The following TPM3 variants were observed in gnomAD, a reference collection of about 807,000 sequenced individuals.
The protein encoded by TPM3 is tropomyosin alpha-3 chain.
TPM3 carries 16 observed loss-of-function variants against 43.1 expected under a neutral mutation model. The observed-to-expected ratio is 0.37, with a 90% CI of 0.25 to 0.56. The LOEUF (loss-of-function observed/expected upper bound fraction) is 0.56. TPM3 is among the 20% of genes least tolerant of loss of function. TPM3 has a pLI of 0.77. For synonymous variants in TPM3, 101 were observed against 116.9 expected (o/e 0.86, Z 0.88); for missense variants, 176 against 337.2 (o/e 0.52, Z 3.74).
chr1:154,191,545 C>T, intron 1 of TPM3: 5 of 1,306,330 alleles, frequency 3.8e-6, no homozygotes, highest in Middle Eastern at 2.8e-4. Context: ...CATCCAAGAC[C>T]CCTGGATGAT....
chr1:154,181,750 T>C (rs1478453696), intron 2 of TPM3, among the ~76,000 whole-genome samples: 3 of 152,022 alleles, frequency 2.0e-5, no homozygotes, highest in Non-Finnish European at 4.4e-5. Flanking sequence ...CGAAACCCCG[T>C]CTCTACCAAA....
At chr1:154,170,065 C>A in intron 8 of TPM3, 1 of 338,494 alleles carries the variant, frequency 3.0e-6, no homozygotes, top group South Asian at 2.9e-5. Flanking sequence ...TACATCTTGC[C>A]CTTCTGAAAT....
chr1:154,188,195 A>T (rs1001519897), intron 2 of TPM3, among the ~76,000 whole-genome samples: 5 of 151,532 alleles, frequency 3.3e-5, no homozygotes, highest in African/African-American at 4.9e-5. Flanking sequence ...ACGCGGGACT[A>T]CCGGCACATG....
intron 2 of TPM3, among the ~76,000 whole-genome samples, chr1:154,190,504 A>T (rs1330390744): frequency 6.6e-6 from 1 of 151,712 alleles, no homozygotes; most frequent in African/African-American, 2.4e-5. Flanking sequence ...GGGAAAATTC[A>T]GCCCTAGACA....
At chr1:154,185,675 A>C (rs1364750225) in intron 2 of TPM3, among the ~76,000 whole-genome samples, 1 of 150,266 alleles carries the variant, frequency 6.7e-6, no homozygotes, top group Non-Finnish European at 1.5e-5. Flanking sequence ...GCGCCACTGC[A>C]CTCCAGCCTG....
At chr1:154,178,853 G>A (rs1662636644) in intron 2 of TPM3, among the ~76,000 whole-genome samples, 1 of 152,208 alleles carries the variant, frequency 6.6e-6, no homozygotes, top group East Asian at 1.9e-4. Context: ...TGCCCAGGAA[G>A]CAAAGATCCT....
chr1:154,182,972 C>T, intron 2 of TPM3: 1 of 1,610,890 alleles, frequency 6.2e-7, no homozygotes, highest in Non-Finnish European at 8.5e-7. Flanking sequence ...CCTCATGAGC[C>T]TCACCATCTC....
intron 5 of TPM3, chr1:154,171,780 G>T: frequency 1.6e-6 from 1 of 624,786 alleles, no homozygotes; most frequent in Non-Finnish European, 2.8e-6. Flanking sequence ...GTGGAGGTGG[G>T]AACAAATGCC....
chr1:154,184,575 G>A (rs762490197), intron 2 of TPM3, among the ~76,000 whole-genome samples: 1 of 152,088 alleles, frequency 6.6e-6, no homozygotes, highest in Non-Finnish European at 1.5e-5. Flanking sequence ...CCTTTTGTAG[G>A]TAAGAAAGAT....
chr1:154,187,403 C>T, intron 2 of TPM3: 1 of 984,756 alleles, frequency 1.0e-6, no homozygotes, highest in Non-Finnish European at 1.2e-6. Flanking sequence ...GTTTCTTGTT[C>T]TTATGCATAT....
rs527269316 is a variant in TPM3 at position 154,164,523 on chromosome 1, T to G, written c.*3414A>C. 6.6e-6 allele frequency among the ~76,000 whole-genome samples: 1 copy of G among 152,280 alleles called. No individual in the cohort carries two copies. Among genetic ancestry groups the G allele is most frequent in the South Asian group, 2.1e-4 (1 of 4,826 alleles). Reference sequence around the variant, plus strand: ...CTCCTCACATCAAGTGGCCAGGCCTTTCACAATGCCTGTCTTTATTTAGTG... The same window carrying G: ...CTCCTCACATCAAGTGGCCAGGCCTGTCACAATGCCTGTCTTTATTTAGTG... On this transcript the variant is annotated 3_prime_UTR_variant, in exon 10 of 10. Coordinates refer to ENST00000651641, the MANE Select transcript of TPM3 (RefSeq NM_152263.4).
At position 154,165,806 on chromosome 1, in the gene TPM3, A is replaced by G. The variant is rs999613040; in HGVS notation, c.*2131T>C. 2.3e-4 allele frequency among the ~76,000 whole-genome samples: 35 copies of G among 150,398 alleles called. No individual in the cohort carries two copies. Among genetic ancestry groups the G allele is most frequent in the African/African-American group, 8.1e-4 (33 of 40,818 alleles). On this transcript the variant is annotated 3_prime_UTR_variant, in exon 10 of 10. Coordinates refer to ENST00000651641, the MANE Select transcript of TPM3 (RefSeq NM_152263.4). Reference sequence around the variant, plus strand: ...CTCCGTCTCAAAAAAAAAAAAAAAAAGAAAAAAAGAAAAAAGTTTTAACAT... The same window carrying G: ...CTCCGTCTCAAAAAAAAAAAAAAAAGGAAAAAAAGAAAAAAGTTTTAACAT...
At position 154,187,307 on chromosome 1, in the gene TPM3, A is replaced by G. The variant is rs2148289631; in HGVS notation, c.243+3879T>C. The G allele has an allele frequency of 3.0e-6, 3 of 984,530 alleles. No individual in the cohort carries two copies. The South Asian group carries it at 1.4e-4, about 46-fold the overall frequency. 61.0% of individuals were successfully genotyped at this position (984,530 alleles called of 1,614,324 possible). On this transcript the variant is annotated intron_variant, in intron 2 of 9. Coordinates refer to ENST00000651641, the MANE Select transcript of TPM3 (RefSeq NM_152263.4). ...CAAAACCAGGCTGTTGCAAGATTTA[A>G]CCCACAGGTGGTAGTTTGCTGACTC...
chr1:154,189,131 C>CAAAAA (rs869068792), intron 2 of TPM3, among the ~76,000 whole-genome samples: 1 of 28,600 alleles, frequency 3.5e-5, no homozygotes, highest in Non-Finnish European at 6.0e-5. Context: ...GACTCTGTCT[C>CAAAAA]AAAAAAAAAA....
intron 2 of TPM3, among the ~76,000 whole-genome samples, chr1:154,182,779 A>C (rs1486083332): frequency 6.6e-6 from 1 of 152,032 alleles, no homozygotes; most frequent in Non-Finnish European, 1.5e-5. Context: ...ATTTCTTCAA[A>C]GGTCAAGCCT....
chr1:154,180,573 A>G (rs141737541), intron 2 of TPM3, among the ~76,000 whole-genome samples: 6 of 152,242 alleles, frequency 3.9e-5, no homozygotes, highest in East Asian at 1.9e-4. Flanking sequence ...CCTCAGCTCA[A>G]TAAGCAAATT....
In TPM3 at chr1:154,162,231, T is replaced by C. The variant is rs1380865666; in HGVS notation, c.*5706A>G. Among the ~76,000 whole-genome samples the C allele has an allele frequency of 6.6e-6, 1 of 151,634 alleles. No individual in the cohort carries two copies. Among genetic ancestry groups the C allele is most frequent in the Non-Finnish European group, 1.5e-5 (1 of 67,868 alleles). ...AACACAAAAATTAGCCGGGCTTGGT[T>C]GCACGTGCCTGTAATCCCAGCTATT... On this transcript the variant is annotated 3_prime_UTR_variant, in exon 10 of 10. Coordinates refer to ENST00000651641, the MANE Select transcript of TPM3 (RefSeq NM_152263.4).
At chr1:154,171,572 T>C (rs1661579229) in intron 5 of TPM3, 84 bp from the exon 6 acceptor site, 1 of 1,433,484 alleles carries the variant, frequency 7.0e-7, no homozygotes, top group Non-Finnish European at 9.8e-7. Flanking sequence ...AGACGTGAAT[T>C]GAACCTATAT....
rs763953367 is a variant in TPM3 at position 154,167,161 on chromosome 1, A to T, written c.*776T>A. 3.7e-6 allele frequency: 1 copy of T among 273,778 alleles called. No individual in the cohort carries two copies. Among genetic ancestry groups the T allele is most frequent in the Non-Finnish European group, 5.6e-6 (1 of 179,320 alleles). 17.0% of individuals were successfully genotyped at this position (273,778 alleles called of 1,614,324 possible). On this transcript the variant is annotated 3_prime_UTR_variant, in exon 10 of 10. Transcript: ENST00000651641. The stretch of plus-strand genomic sequence containing the variant: ...TAATTTATCACTTATCTTATATCCC[A>T]CTAGTCACACACTAGCAGGCAAATG...
Sources: allele counts gnomAD v4.1 joint callset (sites outside exome capture counted in the v4.1 genomes callset), GRCh38; gene constraint gnomAD v4.1.1; transcripts MANE v1.5; gene names NCBI Gene and HGNC (gene_info 2026-07-23, HGNC 2026-07-21).